Variants in ANKS1B observed in about 807,000 individuals in gnomAD.
The protein encoded by ANKS1B is ankyrin repeat and sterile alpha motif domain-containing protein 1B.
A neutral mutation model predicts 148.3 loss-of-function variants in ANKS1B; 36 were observed. The observed-to-expected ratio is 0.24, with a 90% CI of 0.19 to 0.32. ANKS1B has a LOEUF of 0.32. Ranked by LOEUF, ANKS1B falls within the 10% of genes least tolerant of loss-of-function variation. The pLI is 1.00. For missense variants in ANKS1B, 1,157 were observed against 1,542.6 expected (o/e 0.75, Z 4.19); for synonymous variants, 542 against 560.8 (o/e 0.97, Z 0.47).
chr12:99,839,048 G>A (rs1392550951), intron 1 of ANKS1B, among the ~76,000 whole-genome samples: 1 of 151,894 alleles, frequency 6.6e-6, no homozygotes, highest in Non-Finnish European at 1.5e-5. Context: ...ATTCTTAACT[G>A]TTTTTATCAT....
chr12:99,768,825 G>GAAAAAA (rs71088151), intron 8 of ANKS1B, among the ~76,000 whole-genome samples: 2 of 69,390 alleles, frequency 2.9e-5, no homozygotes, highest in African/African-American at 5.8e-5. Context: ...CTCCGTCTCA[G>GAAAAAA]AAAAAAAAAA....
At chr12:99,364,653 A>G (rs2092672260) in intron 12 of ANKS1B, among the ~76,000 whole-genome samples, 1 of 152,178 alleles carries the variant, frequency 6.6e-6, no homozygotes, top group Non-Finnish European at 1.5e-5. Flanking sequence ...TCATGAACGC[A>G]AGTCATTCCC....
At chr12:98,933,390 T>C (rs1308678167) in intron 17 of ANKS1B, among the ~76,000 whole-genome samples, 4 of 152,186 alleles carry the variant, frequency 2.6e-5, no homozygotes, top group South Asian at 2.1e-4. Flanking sequence ...ATTTTCTTTA[T>C]CCATTTGTTG....
chr12:99,943,941 C>T (rs1342757559), intron 1 of ANKS1B, among the ~76,000 whole-genome samples: 1 of 152,026 alleles, frequency 6.6e-6, no homozygotes, highest in African/African-American at 2.4e-5. Flanking sequence ...TCTCCTAATG[C>T]TATCCCTCCC....
chr12:98,892,939 A>G (rs980804154), intron 17 of ANKS1B, among the ~76,000 whole-genome samples: 3 of 152,214 alleles, frequency 2.0e-5, no homozygotes, highest in Admixed American at 2.0e-4. Context: ...TGCACCAAGC[A>G]AAGTAACTCC....
At chr12:98,876,129 C>G (rs955670814) in intron 17 of ANKS1B, among the ~76,000 whole-genome samples, 2 of 152,160 alleles carry the variant, frequency 1.3e-5, no homozygotes, top group African/African-American at 4.8e-5. Context: ...CTTAAAGTCC[C>G]TTCAATGGCT....
chr12:98,850,525 T>G (rs2099517945), intron 17 of ANKS1B, among the ~76,000 whole-genome samples: 1 of 129,152 alleles, frequency 7.7e-6, no homozygotes, highest in Non-Finnish European at 1.6e-5. Flanking sequence ...CAGAGTGCAG[T>G]GGCGTGATCT....
rs112242729 is a variant in ANKS1B, at chr12:99,071,795, C to T, written c.2625+13130G>A. ...CCCAAGTAGCTGAAACTAAGGTGCG[C>T]GCCACCATGCCAGGCTACTTTTGCT... On this transcript the variant is annotated intron_variant, in intron 16 of 26. Coordinates refer to ENST00000683438, the MANE Select transcript of ANKS1B (RefSeq NM_001352186.2). 2.5e-4 allele frequency among the ~76,000 whole-genome samples: 38 copies of T among 152,014 alleles called. 1 individual carries two copies. The highest frequency in any genetic ancestry group is 3.8e-4 in the Non-Finnish European group (26 of 67,990).
chr12:99,448,983 G>A (rs1015046818), intron 10 of ANKS1B, among the ~76,000 whole-genome samples: 4 of 151,842 alleles, frequency 2.6e-5, no homozygotes, highest in Non-Finnish European at 5.9e-5. Flanking sequence ...TCTCTCTGTT[G>A]CATTTTTAAT....
intron 19 of ANKS1B, among the ~76,000 whole-genome samples, chr12:98,827,413 T>C (rs1220405621): frequency 2.6e-5 from 4 of 152,232 alleles, no homozygotes; most frequent in African/African-American, 7.2e-5. Context: ...CCCATCAGCC[T>C]GCTTATCTCA....
At position 99,903,988 on chromosome 12, in the gene ANKS1B, C is replaced by T. The variant is rs544572963; in HGVS notation, c.135-78599G>A. 7.6e-4 allele frequency among the ~76,000 whole-genome samples: 116 copies of T among 152,186 alleles called. 2 individuals are homozygous for T. The highest frequency in any genetic ancestry group is 2.4e-3 in the African/African-American group (101 of 41,532). On this transcript the variant is annotated intron_variant, in intron 1 of 26. Coordinates refer to ENST00000683438, the MANE Select transcript of ANKS1B (RefSeq NM_001352186.2). ...TAGCCATATTTCAAGTGATCAAGAG[C>T]GATATATGACTAGTGGCTACTGTGT...
intron 1 of ANKS1B, among the ~76,000 whole-genome samples, chr12:99,959,386 C>G (rs1261405406): frequency 1.3e-5 from 2 of 151,814 alleles, no homozygotes; most frequent in African/African-American, 4.8e-5. Flanking sequence ...CAAGAACATG[C>G]TTTTTAAAAG....
At chr12:98,915,935 C>A (rs960757495) in intron 17 of ANKS1B, among the ~76,000 whole-genome samples, 1 of 152,128 alleles carries the variant, frequency 6.6e-6, no homozygotes, top group Non-Finnish European at 1.5e-5. Context: ...GTCTCATGAG[C>A]ACTAACAATG....
At chr12:98,772,564 G>A (rs2153477997) in intron 25 of ANKS1B, among the ~76,000 whole-genome samples, 1 of 152,314 alleles carries the variant, frequency 6.6e-6, no homozygotes, top group Admixed American at 6.5e-5. Context: ...GAGAGCTTGT[G>A]CAGGGGAACT....
intron 9 of ANKS1B, among the ~76,000 whole-genome samples, chr12:98,736,982 G>C (rs1378394941): frequency 6.6e-6 from 1 of 152,226 alleles, no homozygotes; most frequent in African/African-American, 2.4e-5. Context: ...AAACAGGACA[G>C]TATCAGCAGT....
chr12:99,152,398 T>C (rs931367163), intron 15 of ANKS1B, among the ~76,000 whole-genome samples: 10 of 152,160 alleles, frequency 6.6e-5, no homozygotes, highest in African/African-American at 2.4e-4. Flanking sequence ...TACCAAATAC[T>C]TTGAATTAAA....
intron 12 of ANKS1B, among the ~76,000 whole-genome samples, chr12:99,300,784 C>A (rs1054834913): frequency 6.6e-6 from 1 of 152,112 alleles, no homozygotes; most frequent in Non-Finnish European, 1.5e-5. Context: ...GGTTTAGAGG[C>A]ATACTTTGGC....
At position 98,744,710 on chromosome 12, in the gene ANKS1B, A is replaced by AAAAG; in HGVS notation, c.*1025_*1028dup. On this transcript the variant is annotated 3_prime_UTR_variant, in exon 27 of 27. Coordinates refer to ENST00000683438, the MANE Select transcript of ANKS1B (RefSeq NM_001352186.2). ...TTTTTTTGTATTTATTTTTTCTAGAAAAAGAAATTTTTGCAATAGAATTTT... is the reference window on the plus strand; with the variant it reads ...TTTTTTTGTATTTATTTTTTCTAGAAAAAGAAAGAAATTTTTGCAATAGAATTTT... 2 of 978,634 alleles carry AAAAG rather than the reference A, an allele frequency of 2.0e-6. No individual in the cohort carries two copies. Among genetic ancestry groups the AAAAG allele is most frequent in the Non-Finnish European group, 2.4e-6 (2 of 824,154 alleles). The allele number at this position is 978,634 out of a possible 1,614,324, so 60.6% of individuals were successfully genotyped here. A position where few individuals can be genotyped will look rare whatever the true frequency, so the allele number is the denominator to read the frequency against.
intron 12 of ANKS1B, among the ~76,000 whole-genome samples, chr12:99,392,062 C>T (rs1003458047): frequency 2.0e-5 from 3 of 152,200 alleles, no homozygotes; most frequent in Non-Finnish European, 4.4e-5. Flanking sequence ...GATGTAATCT[C>T]GCATCATCCT....
Sources: gnomAD v4.1 joint callset for allele counts (sites outside exome capture counted in the v4.1 genomes callset) on GRCh38, gnomAD v4.1.1 for gene constraint, MANE v1.5 for transcripts, NCBI Gene and HGNC (gene_info 2026-07-23, HGNC 2026-07-21) for gene names.